Variants in ZRANB1 observed in about 807,000 individuals in gnomAD.
ZRANB1 encodes ubiquitin thioesterase ZRANB1.
Under a neutral mutation model 80.5 loss-of-function variants are expected in ZRANB1, and 16 were observed. The observed-to-expected ratio is 0.20, with a 90% confidence interval of 0.13 to 0.30. The LOEUF is 0.30. Ranked by LOEUF, ZRANB1 falls within the 10% of genes least tolerant of loss-of-function variation. The pLI, the probability that ZRANB1 is intolerant of heterozygous loss-of-function variation, is 1.00. For missense variants in ZRANB1, 576 were observed against 862.6 expected, an observed-to-expected ratio of 0.67 and a Z score of 4.16; for synonymous variants, 291 against 293.1, an observed-to-expected ratio of 0.99 and a Z score of 0.07.
At chr10:124,930,869 A>C in the ZRANB1 span, among the ~76,000 whole-genome samples, 1 of 152,024 alleles carries the variant, frequency 6.6e-6, no homozygotes, top group Admixed American at 6.6e-5. Context: ...GTCTCTAATA[A>C]AAATTTAAAA....
chr10:124,974,550 C>G, intron 5 of ZRANB1, 152 bp downstream of exon 5: 1 of 746,176 alleles, frequency 1.3e-6, no homozygotes, highest in Non-Finnish European at 2.1e-6. Context: ...TTGAACACGT[C>G]CATGGTTTCT....
intron 1 of ZRANB1, among the ~76,000 whole-genome samples, chr10:124,947,722 A>G (rs1482386405): frequency 6.6e-6 from 1 of 152,190 alleles, no homozygotes; most frequent in Non-Finnish European, 1.5e-5. Flanking sequence ...GCTTGTGCCA[A>G]AAGCCTTGGC....
intron 1 of ZRANB1, among the ~76,000 whole-genome samples, chr10:124,947,565 C>T (rs1000604821): frequency 6.6e-6 from 1 of 152,172 alleles, no homozygotes; most frequent in Non-Finnish European, 1.5e-5. Context: ...CTCATATATC[C>T]AGCTGCCTAT....
chr10:124,979,208 G>C (rs1951910607), intron 5 of ZRANB1, among the ~76,000 whole-genome samples: 1 of 152,036 alleles, frequency 6.6e-6, no homozygotes, highest in African/African-American at 2.4e-5. Context: ...TGATCTTCTA[G>C]CCTCAGCCTC....
chr10:124,973,585 G>T, intron 3 of ZRANB1, 60 bp from the exon 4 acceptor site: 1 of 1,428,834 alleles, frequency 7.0e-7, no homozygotes. Context: ...GTGTAATTAA[G>T]TATAAGTTAA....
intron 6 of ZRANB1, among the ~76,000 whole-genome samples, chr10:124,982,323 T>G (rs967966278): frequency 2.0e-5 from 3 of 152,176 alleles, no homozygotes; most frequent in African/African-American, 4.8e-5. Flanking sequence ...ATGCTCCCTG[T>G]GGTGAGGCAA....
At chr10:124,930,038 C>T in the ZRANB1 span, among the ~76,000 whole-genome samples, 3,998 of 151,452 alleles carry the variant, frequency 0.026, 156 homozygotes, top group African/African-American at 0.09. Context: ...AAGCTCCGTA[C>T]AAAACTTAAG....
intron 1 of ZRANB1, among the ~76,000 whole-genome samples, chr10:124,964,270 A>G (rs1171036528): frequency 6.6e-6 from 1 of 152,220 alleles, no homozygotes; most frequent in Non-Finnish European, 1.5e-5. Context: ...ATTGTACATT[A>G]TAGTTCCAAA....
At chr10:124,917,430 G>A in the ZRANB1 span, among the ~76,000 whole-genome samples, 2 of 151,460 alleles carry the variant, frequency 1.3e-5, no homozygotes, top group African/African-American at 4.8e-5. Context: ...GGCCGCCGCT[G>A]TCGGCGCTTC....
chr10:124,949,523 A>ACTT lies in ZRANB1; in HGVS notation c.814+6216_814+6217insCTT, dbSNP rs531718406. Among the ~76,000 whole-genome samples the ACTT allele has an allele frequency of 3.4e-4, 40 of 116,856 alleles. 1 individual carries two copies. Among genetic ancestry groups the ACTT allele is most frequent in the Admixed American group, 6.5e-4 (7 of 10,828 alleles). 76.7% of individuals were successfully genotyped at this position (116,856 alleles called of 152,430 possible). A position where few individuals can be genotyped will look rare whatever the true frequency, so the allele number is the denominator to read the frequency against. On this transcript the variant is annotated intron_variant, in intron 1 of 8. Coordinates refer to ENST00000359653, the MANE Select transcript of ZRANB1 (RefSeq NM_017580.3). ...CACACACACACACACACACACACAC[A>ACTT]TTTTTTTTTTTTTTTTGAGACAGGA...
intron 1 of ZRANB1, among the ~76,000 whole-genome samples, chr10:124,963,550 G>GTTTTTTTTTTT (rs1564962032): frequency 5.3e-5 from 4 of 75,150 alleles, no homozygotes; most frequent in African/African-American, 1.1e-4. Context: ...TTTTTTTTTT[G>GTTTTTTTTTTT]TTTGTTTTTT....
chr10:124,931,314 G>T, the ZRANB1 span, among the ~76,000 whole-genome samples: 1 of 150,042 alleles, frequency 6.7e-6, no homozygotes, highest in Non-Finnish European at 1.5e-5. Flanking sequence ...CTCCCAAGGT[G>T]CTAGGATTAC....
the ZRANB1 span, among the ~76,000 whole-genome samples, chr10:124,924,376 A>C: frequency 6.6e-6 from 1 of 152,024 alleles, no homozygotes; most frequent in Non-Finnish European, 1.5e-5. Context: ...ACAATTCAGT[A>C]GTTTTTAGTA....
chr10:124,981,192 T>C lies in ZRANB1; in HGVS notation c.1428-517T>C, dbSNP rs906958806. Reference sequence around the variant, plus strand: ...GAAGGAATGTTTTCTGTCATTGCAGTGGGTTTCTTTTTGGTTGCTTTTGAA... The same window carrying C: ...GAAGGAATGTTTTCTGTCATTGCAGCGGGTTTCTTTTTGGTTGCTTTTGAA... On this transcript the variant is annotated intron_variant, in intron 5 of 8. Transcript: ENST00000359653. Among the ~76,000 whole-genome samples, 4 of 152,302 alleles carry C rather than the reference T, an allele frequency of 2.6e-5. No homozygotes were observed. The East Asian group carries it at 7.7e-4, about 29-fold the overall frequency.
chr10:124,921,574 A>G, the ZRANB1 span, among the ~76,000 whole-genome samples: 1 of 152,162 alleles, frequency 6.6e-6, no homozygotes, highest in Non-Finnish European at 1.5e-5. Context: ...TACCTACTAC[A>G]TCTATGTGGA....
intron 1 of ZRANB1, among the ~76,000 whole-genome samples, chr10:124,961,178 G>A (rs1186833504): frequency 6.6e-6 from 1 of 151,586 alleles, no homozygotes; most frequent in Non-Finnish European, 1.5e-5. Flanking sequence ...ATTTTTTTTT[G>A]TATTTTGAGT....
intron 2 of ZRANB1, among the ~76,000 whole-genome samples, chr10:124,967,892 T>C (rs1951789411): frequency 6.6e-6 from 1 of 151,338 alleles, no homozygotes; most frequent in South Asian, 2.1e-4. Context: ...TTATCCAGGT[T>C]TTTTTTTTCT....
intron 2 of ZRANB1, among the ~76,000 whole-genome samples, chr10:124,969,511 A>G (rs1031213947): frequency 1.3e-5 from 2 of 152,170 alleles, no homozygotes; most frequent in African/African-American, 4.8e-5. Context: ...AGTTGGGGAT[A>G]TGTATGTGGG....
intron 1 of ZRANB1, among the ~76,000 whole-genome samples, chr10:124,956,122 G>C (rs1292423306): frequency 6.6e-6 from 1 of 152,292 alleles, no homozygotes; most frequent in African/African-American, 2.4e-5. Flanking sequence ...ACTATGTCGC[G>C]TGATTCTTGA....
Sources: gnomAD v4.1 joint callset for allele counts (sites outside exome capture counted in the v4.1 genomes callset) on GRCh38, gnomAD v4.1.1 for gene constraint, MANE v1.5 for transcripts, NCBI Gene and HGNC (gene_info 2026-07-23, HGNC 2026-07-21) for gene names.